PTPRG: variants seen among roughly 807,000 people sequenced by gnomAD.
PTPRG encodes protein tyrosine phosphatase receptor type G.
In PTPRG, 102 loss-of-function variants were observed where a neutral mutation model predicts 165.3. That is an observed-to-expected ratio of 0.62 (90% CI 0.53 to 0.73). The LOEUF is 0.73. Among genes scored for constraint, PTPRG ranks in the 30% least tolerant of loss-of-function variants. The probability of loss-of-function intolerance (pLI) is 0.00; values close to 1 mark genes in which losing one functional copy is unlikely to be tolerated. For synonymous variants in PTPRG, 675 were observed against 669.5 expected, an observed-to-expected ratio of 1.01 and a Z score of -0.13; for missense variants, 1,866 against 1,861.4, an observed-to-expected ratio of 1.00 and a Z score of -0.05.
At chr3:61,994,588 A>C (rs895881250) in intron 3 of PTPRG, among the ~76,000 whole-genome samples, 1 of 152,222 alleles carries the variant, frequency 6.6e-6, no homozygotes, top group African/African-American at 2.4e-5. Context: ...CTAGTATGTT[A>C]CTGAGCCCAT....
intron 2 of PTPRG, among the ~76,000 whole-genome samples, chr3:61,790,664 C>A (rs1369606824): frequency 6.6e-6 from 1 of 151,784 alleles, no homozygotes; most frequent in East Asian, 1.9e-4. Flanking sequence ...CTTGGTTTCA[C>A]AAATAGCTTC....
chr3:61,955,791 A>G (rs1178448015), intron 2 of PTPRG, among the ~76,000 whole-genome samples: 10 of 152,188 alleles, frequency 6.6e-5, no homozygotes, highest in Admixed American at 5.2e-4. Flanking sequence ...AGATATCTCT[A>G]TGTGTATACT....
At position 61,644,449 on chromosome 3, in the gene PTPRG, T is replaced by G. The variant is rs149001177; in HGVS notation, c.85+82077T>G. On this transcript the variant is annotated intron_variant, in intron 1 of 29. Coordinates refer to ENST00000474889, the MANE Select transcript of PTPRG (RefSeq NM_002841.4). ...AGAATTTAAAGCTGCTCAAGGGAAT[T>G]CAGAAGTGATTCTGAAGCCCAGTGG... Among the ~76,000 whole-genome samples, 825 of 152,266 alleles carry G rather than the reference T, an allele frequency of 5.4e-3. 7 individuals are homozygous for G. The highest frequency in any genetic ancestry group is 0.018 in the African/African-American group (755 of 41,536).
At chr3:61,603,582 A>G (rs977780656) in intron 1 of PTPRG, among the ~76,000 whole-genome samples, 2 of 152,170 alleles carry the variant, frequency 1.3e-5, no homozygotes, top group African/African-American at 4.8e-5. Context: ...TACCATTACA[A>G]AATGCTACAA....
rs1363168626 is a variant in PTPRG, at chr3:62,293,948, G to A, written c.*641G>A. 1 of 152,474 alleles carries A rather than the reference G, an allele frequency of 6.6e-6. No homozygotes were observed. Among genetic ancestry groups the A allele is most frequent in the Non-Finnish European group, 1.5e-5 (1 of 67,998 alleles). 9.4% of individuals were successfully genotyped at this position (152,474 alleles called of 1,614,324 possible). A position where few individuals can be genotyped will look rare whatever the true frequency, so the allele number is the denominator to read the frequency against. ...TGCTTCATGTGAACATCCCTTATTA[G>A]TTACAAAGTTATATTCACAGTTTTT... On this transcript the variant is annotated 3_prime_UTR_variant, in exon 30 of 30. Coordinates refer to ENST00000474889, the MANE Select transcript of PTPRG (RefSeq NM_002841.4).
intron 5 of PTPRG, among the ~76,000 whole-genome samples, chr3:62,130,793 GGTGTATTCTGTGCA>G (rs1559545772): frequency 1.3e-5 from 2 of 151,984 alleles, no homozygotes; most frequent in East Asian, 3.9e-4. Flanking sequence ...ATTTTGATTT[GGTGTATTCTGTGCA>G]GTTACCTTTC....
chr3:61,972,585 G>C (rs575898543), intron 2 of PTPRG, among the ~76,000 whole-genome samples: 10 of 152,104 alleles, frequency 6.6e-5, no homozygotes, highest in African/African-American at 2.4e-4. Flanking sequence ...TAGTTAGAAA[G>C]GGCAAGGAGT....
At chr3:62,098,646 T>C (rs1702192365) in intron 5 of PTPRG, among the ~76,000 whole-genome samples, 1 of 152,224 alleles carries the variant, frequency 6.6e-6, no homozygotes. Flanking sequence ...CCAGACCCTG[T>C]AGCTTTTATT....
intron 1 of PTPRG, among the ~76,000 whole-genome samples, chr3:61,668,214 ATAAGAT>A (rs1192598949): frequency 6.6e-6 from 1 of 152,234 alleles, no homozygotes; most frequent in African/African-American, 2.4e-5. Flanking sequence ...ATACTTTCAA[ATAAGAT>A]TGAGTTAAAA....
chr3:62,055,911 A>G (rs1451279359), intron 4 of PTPRG, among the ~76,000 whole-genome samples: 1 of 152,206 alleles, frequency 6.6e-6, no homozygotes, highest in Admixed American at 6.5e-5. Context: ...AATTTTCCAA[A>G]TAAGGTGACA....
chr3:61,658,787 A>G (rs1341042518), intron 1 of PTPRG, among the ~76,000 whole-genome samples: 1 of 152,142 alleles, frequency 6.6e-6, no homozygotes, highest in Non-Finnish European at 1.5e-5. Context: ...CATGGCCATG[A>G]TCTAGTGCTC....
chr3:61,915,366 C>A (rs773888942), intron 2 of PTPRG, among the ~76,000 whole-genome samples: 80 of 152,268 alleles, frequency 5.3e-4, no homozygotes, highest in Admixed American at 1.0e-3. Flanking sequence ...CCCTATTTTC[C>A]TGTTCTGTGT....
chr3:61,634,878 A>G (rs149128767), intron 1 of PTPRG, among the ~76,000 whole-genome samples: 331 of 152,312 alleles, frequency 2.2e-3, no homozygotes, highest in Non-Finnish European at 3.9e-3. Flanking sequence ...TACTGTCACA[A>G]CACTGTTGAG....
intron 8 of PTPRG, among the ~76,000 whole-genome samples, chr3:62,179,864 T>C (rs1379000002): frequency 6.6e-6 from 1 of 152,108 alleles, no homozygotes; most frequent in African/African-American, 2.4e-5. Flanking sequence ...CATCTGGGGA[T>C]TGAAATGAGG....
chr3:62,041,131 C>T (rs1700115080), intron 4 of PTPRG, among the ~76,000 whole-genome samples: 1 of 152,216 alleles, frequency 6.6e-6, no homozygotes, highest in Non-Finnish European at 1.5e-5. Flanking sequence ...GGAGTTGATA[C>T]ATACTCAAGT....
At chr3:62,146,735 T>C (rs1236767426) in intron 6 of PTPRG, among the ~76,000 whole-genome samples, 1 of 152,076 alleles carries the variant, frequency 6.6e-6, no homozygotes, top group Non-Finnish European at 1.5e-5. Context: ...GTCAGCCATA[T>C]ATTCTCTGTT....
intron 2 of PTPRG, among the ~76,000 whole-genome samples, chr3:61,752,782 T>G (rs2033482274): frequency 2.7e-4 from 1 of 3,712 alleles, no homozygotes; most frequent in Non-Finnish European, 5.9e-4. Context: ...AGCAAGACTG[T>G]CTCAAAAAAA....
chr3:62,018,089 T>A (rs926404355), intron 4 of PTPRG, among the ~76,000 whole-genome samples: 6 of 152,176 alleles, frequency 3.9e-5, no homozygotes, highest in African/African-American at 1.2e-4. Flanking sequence ...CCTTCCTTTG[T>A]ATTCATTGAG....
intron 3 of PTPRG, among the ~76,000 whole-genome samples, chr3:61,998,039 T>C (rs1174801214): frequency 6.6e-6 from 1 of 152,238 alleles, no homozygotes; most frequent in African/African-American, 2.4e-5. Flanking sequence ...CATCCATTTT[T>C]CTTTACTTTT....
Sources: gnomAD v4.1 joint callset for allele counts (sites outside exome capture counted in the v4.1 genomes callset) on GRCh38, gnomAD v4.1.1 for gene constraint, MANE v1.5 for transcripts, NCBI Gene and HGNC (gene_info 2026-07-23, HGNC 2026-07-21) for gene names.